The following ANO1 variants were observed in gnomAD, a reference collection of about 807,000 sequenced individuals.
ANO1 encodes anoctamin 1, also known as anoctamin-1.
A neutral mutation model predicts 124.0 loss-of-function variants in ANO1; 59 were observed. The ratio of observed to expected loss-of-function variants is 0.48; its 90% CI spans 0.39 to 0.59. ANO1 has a LOEUF of 0.59. Ranked by LOEUF, ANO1 falls within the 20% of genes least tolerant of loss-of-function variation. The probability of loss-of-function intolerance (pLI) is 0.00; values close to 1 mark genes in which losing one functional copy is unlikely to be tolerated. For missense variants in ANO1, 1,059 were observed against 1,328.0 expected, an observed-to-expected ratio of 0.80 and a Z score of 3.15; for synonymous variants, 529 against 532.0, an observed-to-expected ratio of 0.99 and a Z score of 0.08.
chr11:69,990,690 C>T (rs1248197122), intron 1 of ANO1, among the ~76,000 whole-genome samples: 2 of 151,820 alleles, frequency 1.3e-5, no homozygotes, highest in African/African-American at 2.4e-5. Context: ...CCTGTGGGTG[C>T]GAAGTGGTAT....
chr11:70,010,179 G>GTGTGTGTGTATATATATATATA, intron 1 of ANO1, among the ~76,000 whole-genome samples: 12 of 83,806 alleles, frequency 1.4e-4, no homozygotes, highest in African/African-American at 2.8e-4. Context: ...GTGTGTGTGT[G>GTGTGTGTGTATATATATATATA]TATATATATA....
At chr11:69,976,763 G>T in the ANO1 span, among the ~76,000 whole-genome samples, 3 of 152,314 alleles carry the variant, frequency 2.0e-5, no homozygotes, top group East Asian at 5.8e-4. Flanking sequence ...TGCTATGGCA[G>T]CTGGATAAGA....
intron 11 of ANO1, among the ~76,000 whole-genome samples, chr11:70,145,992 C>A (rs943063464): frequency 6.6e-6 from 1 of 150,430 alleles, no homozygotes; most frequent in African/African-American, 2.4e-5. Flanking sequence ...AGGTTCAATA[C>A]CAGCCACCAA....
intron 14 of ANO1, among the ~76,000 whole-genome samples, chr11:70,154,257 A>T (rs2047716303): frequency 6.6e-6 from 1 of 151,980 alleles, no homozygotes; most frequent in Non-Finnish European, 1.5e-5. Flanking sequence ...GATCAGGACA[A>T]ACCCCTGGGT....
At chr11:70,041,056 G>A (rs1220040940) in intron 1 of ANO1, among the ~76,000 whole-genome samples, 4 of 152,126 alleles carry the variant, frequency 2.6e-5, no homozygotes, top group African/African-American at 9.7e-5. Flanking sequence ...ACTCTCCATT[G>A]CCCTCCAGCC....
chr11:70,049,932 G>C (rs1039422474), intron 1 of ANO1, among the ~76,000 whole-genome samples: 1 of 152,146 alleles, frequency 6.6e-6, no homozygotes, highest in Admixed American at 6.5e-5. Context: ...TGTTGGTCAG[G>C]CTGGTTTAGA....
intron 1 of ANO1, chr11:70,016,355 T>A (rs1856703793): frequency 6.6e-6 from 1 of 152,274 alleles, no homozygotes; most frequent in Admixed American, 6.5e-5. Context: ...ATGTGCATTT[T>A]GGCAAAAGTA....
At position 70,017,656 on chromosome 11, in the gene ANO1, G is replaced by A. The variant is rs373368318; in HGVS notation, c.58+31490G>A. ...CAGCCTTCCGAGTAGCTGGGATTAC[G>A]GGTGTGCACCACCACACCCAGCTAA... On this transcript the variant is annotated intron_variant, in intron 1 of 27. Transcript: ENST00000531349. 4.0e-5 allele frequency among the ~76,000 whole-genome samples: 6 copies of A among 151,662 alleles called. No homozygotes were observed. The East Asian group carries it at 7.8e-4, about 20-fold the overall frequency.
chr11:70,009,669 G>A (rs1296128225), intron 1 of ANO1, among the ~76,000 whole-genome samples: 1 of 152,148 alleles, frequency 6.6e-6, no homozygotes, highest in Non-Finnish European at 1.5e-5. Context: ...CTGGACATTT[G>A]GTGAGACCTC....
chr11:70,177,594 C>CTTTTTTTTTTTTTTTTTT (rs57647858), intron 22 of ANO1, among the ~76,000 whole-genome samples: 40 of 78,930 alleles, frequency 5.1e-4, no homozygotes, highest in East Asian at 8.3e-4. Context: ...TTTTTTTTTT[C>CTTTTTTTTTTTTTTTTTT]TTTTTTTTTT....
chr11:70,143,809 A>C (rs11822878), intron 11 of ANO1, among the ~76,000 whole-genome samples: 1,783 of 152,314 alleles, frequency 0.012, 40 homozygotes, highest in African/African-American at 0.041. Flanking sequence ...TACGCTCATC[A>C]TTCTATCACT....
intron 10 of ANO1, among the ~76,000 whole-genome samples, chr11:70,128,620 T>A (rs537610415): frequency 2.0e-5 from 3 of 152,326 alleles, no homozygotes; most frequent in Admixed American, 6.5e-5. Flanking sequence ...GCAGGCGACC[T>A]GGAGCGAAGC....
intron 11 of ANO1, among the ~76,000 whole-genome samples, chr11:70,139,377 G>T (rs896548103): frequency 6.6e-6 from 1 of 152,014 alleles, no homozygotes; most frequent in Non-Finnish European, 1.5e-5. Flanking sequence ...AGGCTGGAGT[G>T]CAGTGGCGCG....
At position 70,108,587 on chromosome 11, in the gene ANO1, A is replaced by C. The variant is rs569239780; in HGVS notation, c.799+183A>C. Among the ~76,000 whole-genome samples, 3 of 152,320 alleles carry C rather than the reference A, an allele frequency of 2.0e-5. No homozygotes were observed. In the South Asian group the frequency reaches 6.2e-4, roughly 32 times the overall value. On this transcript the variant is annotated intron_variant, in intron 6 of 25. Transcript: ENST00000355303. ...AGCGTGCAGGGCAGTTTTATGGCCC[A>C]GCACTTTTAAACACAAATGTATCCT...
chr11:70,177,627 C>A (rs1218673070), intron 22 of ANO1, among the ~76,000 whole-genome samples: 6 of 117,040 alleles, frequency 5.1e-5, no homozygotes, highest in Non-Finnish European at 1.0e-4. Flanking sequence ...TGAGACAGAG[C>A]CTCGTTCATT....
chr11:69,971,316 A>G, the ANO1 span, among the ~76,000 whole-genome samples: 97 of 152,300 alleles, frequency 6.4e-4, 1 homozygote, highest in African/African-American at 2.2e-3. Context: ...AATTTGCCTC[A>G]TGGAGCTTTC....
At position 70,163,329 on chromosome 11, in the gene ANO1, C is replaced by T. The variant is rs2048128808; in HGVS notation, c.1939C>T (p.Arg647Ter). The part of the protein sequence containing the change: ...GDYVYIFRSF[R>*]MEECAPGGCL... ...CTACGTGTACATTTTCCGTTCCTTCCGAATGGAAGAGGTAACCGAAATTTT... is the reference window on the plus strand; with the variant it reads ...CTACGTGTACATTTTCCGTTCCTTCTGAATGGAAGAGGTAACCGAAATTTT... Residue 647 changes from arginine (R) to a stop codon, truncating the protein, a stop_gained, in exon 19 of 26, where the codon CGA becomes TGA. Coordinates refer to ENST00000355303, the MANE Select transcript of ANO1 (RefSeq NM_018043.7). LOFTEE classifies it high-confidence loss of function. 1.9e-6 allele frequency: 3 copies of T among 1,614,010 alleles called. No individual in the cohort carries two copies. Among genetic ancestry groups the T allele is most frequent in the Non-Finnish European group, 2.5e-6 (3 of 1,179,896 alleles).
At chr11:70,080,745 T>A (rs7127905) in intron 1 of ANO1, among the ~76,000 whole-genome samples, 85,582 of 152,048 alleles carry the variant, frequency 0.56, 25,128 homozygotes, top group East Asian at 0.7. Flanking sequence ...CCGTTACACA[T>A]ACTTTGTTTT....
Position 70,182,603 on chromosome 11 carries a change from C to G in ANO1, c.2505C>G (p.Leu835=). ...GTMHGFVNHT[L]SSFNVSDFQN... is the part of the protein sequence containing the mutation. ...TGCACGGCTTCGTCAACCACACCCT[C>G]TCCTCCTTCAACGTCAGTGACTTCC... The change falls in exon 24 of 26, where the codon CTC becomes CTG. Residue 835 remains leucine, a synonymous_variant. Coordinates refer to ENST00000355303, the MANE Select transcript of ANO1 (RefSeq NM_018043.7). The G allele has an allele frequency of 6.2e-7, 1 of 1,613,800 alleles. No homozygotes were observed. Among genetic ancestry groups the G allele is most frequent in the South Asian group, 1.1e-5 (1 of 91,074 alleles).
Sources: allele counts gnomAD v4.1 joint callset (sites outside exome capture counted in the v4.1 genomes callset), GRCh38; gene constraint gnomAD v4.1.1; transcripts MANE v1.5; gene names NCBI Gene and HGNC (gene_info 2026-07-23, HGNC 2026-07-21).